NECAB2: variants seen among roughly 807,000 people sequenced by gnomAD.
NECAB2 encodes the protein N-terminal EF-hand calcium-binding protein 2.
In NECAB2, 68 loss-of-function variants were observed where a neutral mutation model predicts 51.9. The observed-to-expected ratio is 1.31, with a 90% CI of 1.08 to 1.60. The LOEUF is 1.60. Ranked by LOEUF, NECAB2 falls within the 40% of genes most tolerant of loss-of-function variation. The pLI is 0.00. For synonymous variants in NECAB2, 329 were observed against 203.5 expected, an observed-to-expected ratio of 1.62 and a Z score of -5.25; for missense variants, 854 against 490.3, an observed-to-expected ratio of 1.74 and a Z score of -7.00.
intron 10 of NECAB2, among the ~76,000 whole-genome samples, 189 bp from the exon 11 acceptor site, chr16:84,000,535 T>C (rs1219847050): frequency 6.6e-6 from 1 of 152,190 alleles, no homozygotes; most frequent in Non-Finnish European, 1.5e-5. Flanking sequence ...TGTTGGCCAC[T>C]ATAAGAAGCC....
chr16:83,979,032 C>G (rs533875937), intron 3 of NECAB2, among the ~76,000 whole-genome samples: 1 of 152,186 alleles, frequency 6.6e-6, no homozygotes, highest in African/African-American at 2.4e-5. Context: ...AACCTTTTCT[C>G]CAACCCAGTC....
intron 10 of NECAB2, among the ~76,000 whole-genome samples, chr16:83,999,903 C>CCAAATCTTGCTTTA (rs569433040): frequency 0.047 from 6,976 of 148,632 alleles, 516 homozygotes; most frequent in African/African-American, 0.17. Context: ...TTTTTTGAGA[C>CCAAATCTTGCTTTA]CAAATCTTGC....
intron 9 of NECAB2, among the ~76,000 whole-genome samples, chr16:83,997,505 T>G (rs111672937): frequency 8.7e-6 from 1 of 114,474 alleles, no homozygotes; most frequent in Non-Finnish European, 1.8e-5. Flanking sequence ...TTTTTTTTTT[T>G]GAGATGGAGT....
upstream of NECAB2, among the ~76,000 whole-genome samples, chr16:83,967,387 G>A (rs2084292974): frequency 2.2e-5 from 3 of 135,872 alleles, no homozygotes; most frequent in South Asian, 2.4e-4. Context: ...GGGAGGATGG[G>A]TGGGTGGGTG....
At chr16:83,966,135 C>G (rs750671183), upstream of NECAB2, 10 of 753,862 alleles carry the variant, frequency 1.3e-5, no homozygotes, top group Middle Eastern at 3.9e-4. Context: ...CCTTTGGGGT[C>G]AAGAGGAGTA....
At chr16:83,995,289 C>T (rs2084681668) in intron 8 of NECAB2, among the ~76,000 whole-genome samples, 1 of 152,162 alleles carries the variant, frequency 6.6e-6, no homozygotes, top group Admixed American at 6.5e-5. Context: ...GACAGATGGG[C>T]TCAGGTATCA....
intron 2 of NECAB2, among the ~76,000 whole-genome samples, chr16:83,974,656 C>T (rs183521136): frequency 1.1e-3 from 162 of 152,312 alleles, no homozygotes; most frequent in African/African-American, 3.6e-3. Context: ...GGAGATGGCA[C>T]GTGATATTCT....
chr16:83,998,216 G>T lies in NECAB2; in HGVS notation c.861G>T (p.Leu287=). The change falls in exon 10 of 13, where the codon CTG becomes CTT. Residue 287 remains leucine (L), a synonymous_variant. Transcript: ENST00000305202. ...DEDGTNMHLQ[L]VRQEMAVCPE... The stretch of plus-strand genomic sequence containing the variant: ...GCTGTGCCCGGCAGCACCTGCAGCT[G>T]GTCCGGCAGGAGATGGCCGTGTGCC... The T allele has an allele frequency of 6.2e-7, 1 of 1,610,054 alleles. No homozygotes were observed. Among genetic ancestry groups the T allele is most frequent in the South Asian group, 1.1e-5 (1 of 91,034 alleles).
intron 1 of NECAB2, chr16:83,971,764 G>T (rs1168252622): frequency 1.5e-5 from 5 of 332,940 alleles, no homozygotes; most frequent in Admixed American, 4.6e-5. Flanking sequence ...GGTAAAGGTT[G>T]TGGCGCTCCC....
chr16:83,970,926 C>G (rs1195404025), intron 1 of NECAB2, among the ~76,000 whole-genome samples: 5 of 152,110 alleles, frequency 3.3e-5, no homozygotes, highest in Non-Finnish European at 7.4e-5. Context: ...AACCTCGTCT[C>G]TACTAAAAAA....
intron 6 of NECAB2, among the ~76,000 whole-genome samples, chr16:83,992,377 T>TCCCCCCCCCCCC (rs60014664): frequency 6.0e-5 from 8 of 133,036 alleles, no homozygotes; most frequent in African/African-American, 2.6e-4. Context: ...CGAGCACCCG[T>TCCCCCCCCCCCC]CCCCCCGCCC....
chr16:84,000,866 G>A, intron 11 of NECAB2, 65 bp downstream of exon 11: 4 of 1,522,742 alleles, frequency 2.6e-6, no homozygotes, highest in South Asian at 2.2e-5. Context: ...TGTCTTCCTG[G>A]AGCCAGGCAT....
At chr16:83,986,667 C>T (rs1043874806) in intron 5 of NECAB2, among the ~76,000 whole-genome samples, 5 of 149,856 alleles carry the variant, frequency 3.3e-5, no homozygotes, top group Non-Finnish European at 7.4e-5. Context: ...TGGGTGCCAC[C>T]ACTCACGGCA....
intron 2 of NECAB2, among the ~76,000 whole-genome samples, chr16:83,974,042 C>A (rs185123222): frequency 0.02 from 3,078 of 152,030 alleles, 46 homozygotes; most frequent in South Asian, 0.049. Flanking sequence ...GTGTCCACCC[C>A]CTGAGCACAG....
chr16:83,976,907 C>G (rs114797311), intron 2 of NECAB2, among the ~76,000 whole-genome samples: 22 of 152,354 alleles, frequency 1.4e-4, no homozygotes, highest in African/African-American at 5.0e-4. Flanking sequence ...CAGACAGAAG[C>G]ACTGGAGCCT....
chr16:83,996,298 G>A (rs1376815715), intron 8 of NECAB2, among the ~76,000 whole-genome samples: 1 of 152,150 alleles, frequency 6.6e-6, no homozygotes, highest in African/African-American at 2.4e-5. Context: ...ACTTACCAAG[G>A]CGTGTTCATG....
chr16:83,998,349 G>C (rs748460976), intron 10 of NECAB2, 32 bp downstream of exon 10: 4 of 1,601,046 alleles, frequency 2.5e-6, no homozygotes, highest in Non-Finnish European at 3.4e-6. Flanking sequence ...GGGTGGGATG[G>C]TGGCAGGGAG....
chr16:83,973,759 A>T (rs756497897), intron 2 of NECAB2, among the ~76,000 whole-genome samples: 1 of 150,628 alleles, frequency 6.6e-6, no homozygotes, highest in Non-Finnish European at 1.5e-5. Context: ...ATGTCTGTAG[A>T]CTTGGTGGAC....
upstream of NECAB2, chr16:83,966,091 T>G (rs2084277360): frequency 8.6e-7 from 1 of 1,160,936 alleles, no homozygotes; most frequent in African/African-American, 1.6e-5. Flanking sequence ...CGTCCAAAGA[T>G]GCCCCGGGGA....
Sources: allele counts gnomAD v4.1 joint callset (sites outside exome capture counted in the v4.1 genomes callset), GRCh38; gene constraint gnomAD v4.1.1; transcripts MANE v1.5; gene names NCBI Gene and HGNC (gene_info 2026-07-23, HGNC 2026-07-21).